KLF13: variants seen among roughly 807,000 people sequenced by gnomAD.
KLF13 encodes the protein KLF transcription factor 13.
A neutral mutation model predicts 16.7 loss-of-function variants in KLF13; 8 were observed. The observed-to-expected ratio is 0.48, with a 90% CI of 0.28 to 0.87. KLF13 has a LOEUF of 0.87. Among genes scored for constraint, KLF13 ranks in the 40% least tolerant of loss-of-function variants. The pLI is 0.10. For synonymous variants in KLF13, 245 were observed against 208.4 expected (o/e 1.18, Z -1.51); for missense variants, 447 against 452.2 (o/e 0.99, Z 0.10).
rs185457951 is a variant in KLF13 at position 31,414,260 on chromosome 15, A to T, written n.117+20569A>T. The stretch of plus-strand genomic sequence containing the variant: ...AATCCTAATGAAATTAAAATGCTAC[A>T]TTAGAAAATATTTACTTAATGCAGA... On this transcript the variant is annotated intron_variant and non_coding_transcript_variant, in intron 1 of 1. Coordinates refer to the KLF13 transcript ENST00000558225. 2.4e-4 allele frequency among the ~76,000 whole-genome samples: 37 copies of T among 152,322 alleles called. 1 individual carries two copies. In the East Asian group the frequency reaches 3.1e-3, roughly 13 times the overall value.
downstream of KLF13, among the ~76,000 whole-genome samples, chr15:31,408,867 C>T (rs902523629): frequency 5.9e-5 from 9 of 151,998 alleles, no homozygotes; most frequent in African/African-American, 1.9e-4. Context: ...AAATGAAAAA[C>T]ACAGTGAGAG....
chr15:31,334,965 T>C (rs1168681499), intron 1 of KLF13, among the ~76,000 whole-genome samples: 4 of 152,216 alleles, frequency 2.6e-5, no homozygotes, highest in Admixed American at 2.6e-4. Flanking sequence ...CTTGTTTTAC[T>C]CTTGGCATCA....
chr15:31,405,348 G>T (rs2040110658), downstream of KLF13, among the ~76,000 whole-genome samples: 1 of 152,188 alleles, frequency 6.6e-6, no homozygotes, highest in African/African-American at 2.4e-5. Context: ...AAAAGAGCTT[G>T]GAGAACCCCC....
In KLF13 at chr15:31,326,925, T is replaced by C. The variant is rs1478156956; in HGVS notation, c.-288T>C. ...CGACTTGGCGAGGTGGTCCCTAACG[T>C]TGCCGCTCGGCATCCTTAGAACCGG... On this transcript the variant is annotated 5_prime_UTR_variant, in exon 1 of 2. Transcript: ENST00000307145. The C allele has an allele frequency of 6.5e-6, 1 of 153,112 alleles. No homozygotes were observed. The highest frequency in any genetic ancestry group is 1.4e-5 in the Non-Finnish European group (1 of 69,278). The allele number at this position is 153,112 out of a possible 1,614,324, so 9.5% of individuals were successfully genotyped here.
Position 31,432,576 on chromosome 15 carries a change from G to C in KLF13, n.118-2794G>C, listed in dbSNP as rs567388812. Among the ~76,000 whole-genome samples, 31 of 151,710 alleles carry C rather than the reference G, an allele frequency of 2.0e-4. No individual in the cohort carries two copies. In the South Asian group the frequency reaches 6.0e-3, roughly 30 times the overall value. On this transcript the variant is annotated intron_variant and non_coding_transcript_variant, in intron 1 of 1. Transcript: ENST00000558225. Reference sequence around the variant, plus strand: ...ATATCCCCCTGCCTCAGCTTCCTGAGTAGCTGGGACTATAGGCATGCACCA... The same window carrying C: ...ATATCCCCCTGCCTCAGCTTCCTGACTAGCTGGGACTATAGGCATGCACCA...
At position 31,374,916 on chromosome 15, in the gene KLF13, T is replaced by C. The variant is rs2039619027; in HGVS notation, c.*2617T>C. On this transcript the variant is annotated 3_prime_UTR_variant, in exon 2 of 2. Transcript: ENST00000307145. The stretch of plus-strand genomic sequence containing the variant: ...CAAAGAGAGCACTTAATTTAATTTT[T>C]CCTTTAAATGACCCAGGGCTGTTCC... 6.6e-6 allele frequency: 1 copy of C among 152,496 alleles called. No homozygotes were observed. Among genetic ancestry groups the C allele is most frequent in the South Asian group, 2.1e-4 (1 of 4,820 alleles). 9.4% of individuals were successfully genotyped at this position (152,496 alleles called of 1,614,324 possible). A position where few individuals can be genotyped will look rare whatever the true frequency, so the allele number is the denominator to read the frequency against.
intron 1 of KLF13, among the ~76,000 whole-genome samples, chr15:31,434,204 G>A (rs2040503920): frequency 6.6e-6 from 1 of 152,166 alleles, no homozygotes; most frequent in Non-Finnish European, 1.5e-5. Flanking sequence ...TTCTACGGAT[G>A]GGGAAATGAG....
intron 1 of KLF13, among the ~76,000 whole-genome samples, chr15:31,423,369 C>G (rs145428783): frequency 1.3e-5 from 2 of 151,428 alleles, no homozygotes; most frequent in Admixed American, 6.6e-5. Context: ...CTGTGGCTCA[C>G]GTCTGTAATC....
intron 1 of KLF13, among the ~76,000 whole-genome samples, chr15:31,414,667 A>C (rs898621293): frequency 6.6e-6 from 1 of 152,224 alleles, no homozygotes; most frequent in African/African-American, 2.4e-5. Context: ...CCCATCAGGA[A>C]AATATACCAA....
Position 31,372,192 on chromosome 15 carries a change from C to T in KLF13, c.760C>T (p.Pro254Ser). Residue 254 changes from proline to serine, a missense_variant, in exon 2 of 2, where the codon CCG becomes TCG. Pro to Ser is a moderately conservative substitution (Grantham distance 74). This residue lies in a region of KLF13 where 88 missense variants were observed against 169.5 expected (regional missense o/e 0.52). Transcript: ENST00000307145. ...CGCGCGCCGCCACGCCAACTTCCAC[C>T]CGGGAATGCTGCAGCGGCGCGGCGG... ...KHARRHANFHPGMLQRRGGGS... is the reference protein window; with the variant it reads ...KHARRHANFHSGMLQRRGGGS... 1 of 1,610,898 alleles carries T rather than the reference C, an allele frequency of 6.2e-7. No homozygotes were observed. Among genetic ancestry groups the T allele is most frequent in the South Asian group, 1.1e-5 (1 of 91,038 alleles).
chr15:31,338,704 T>C (rs2038973180), intron 1 of KLF13, among the ~76,000 whole-genome samples: 1 of 152,092 alleles, frequency 6.6e-6, no homozygotes, highest in African/African-American at 2.4e-5. Context: ...CTGGTCTCTC[T>C]GCTCCTCCTC....
chr15:31,335,435 A>ATGTGTGTGTGTGTG (rs71110867), intron 1 of KLF13, among the ~76,000 whole-genome samples: 2 of 34,888 alleles, frequency 5.7e-5, no homozygotes, highest in African/African-American at 1.4e-4. Flanking sequence ...GTGTGTGTGT[A>ATGTGTGTGTGTGTG]TGTGTGTGTG....
At chr15:31,385,806 T>A (rs144491386) in intron 1 of KLF13, among the ~76,000 whole-genome samples, 2 of 152,130 alleles carry the variant, frequency 1.3e-5, no homozygotes, top group Non-Finnish European at 2.9e-5. Context: ...AGTGTTCAAG[T>A]GAAGGGAAGA....
In KLF13 at chr15:31,377,350, G is replaced by A. The variant is rs1338942235; in HGVS notation, c.*5051G>A. 6.6e-6 allele frequency: 1 copy of A among 152,624 alleles called. No individual in the cohort carries two copies. Among genetic ancestry groups the A allele is most frequent in the Non-Finnish European group, 1.5e-5 (1 of 68,038 alleles). 9.5% of individuals were successfully genotyped at this position (152,624 alleles called of 1,614,324 possible). A position where few individuals can be genotyped will look rare whatever the true frequency, so the allele number is the denominator to read the frequency against. ...CCTAGTGCTGAGGCCTCTGGGGCTG[G>A]AAAGCCTCAGCAGAAAGGAGGCACT... On this transcript the variant is annotated 3_prime_UTR_variant, in exon 2 of 2. Transcript: ENST00000307145.
chr15:31,371,481 A>G (rs1465965895), intron 1 of KLF13, among the ~76,000 whole-genome samples: 1 of 152,208 alleles, frequency 6.6e-6, no homozygotes, highest in East Asian at 1.9e-4. Flanking sequence ...AGGCCCCGGA[A>G]CTCACCTACG....
chr15:31,364,996 T>C (rs2039443774), intron 1 of KLF13, among the ~76,000 whole-genome samples: 1 of 152,226 alleles, frequency 6.6e-6, no homozygotes, highest in South Asian at 2.1e-4. Flanking sequence ...GATCAGCCCC[T>C]GTGTTTGGCC....
In KLF13 at chr15:31,377,403, G is replaced by A. The variant is rs530045486; in HGVS notation, c.*5104G>A. ...TGAGCAACTATGCATTGTCATTGTC[G>A]GGTTTGGGGCTTTCGGTGGTTCCTT... On this transcript the variant is annotated 3_prime_UTR_variant, in exon 2 of 2. Coordinates refer to ENST00000307145, the MANE Select transcript of KLF13 (RefSeq NM_015995.4). The A allele has an allele frequency of 1.0e-4, 16 of 152,768 alleles. No homozygotes were observed. In the South Asian group the frequency reaches 2.7e-3, roughly 26 times the overall value. The allele number at this position is 152,768 out of a possible 1,614,324, so 9.5% of individuals were successfully genotyped here.
chr15:31,380,327 T>C (rs75637297), downstream of KLF13, among the ~76,000 whole-genome samples: 2,384 of 152,170 alleles, frequency 0.016, 61 homozygotes, highest in African/African-American at 0.054. Flanking sequence ...GGACTTCCCA[T>C]TCCTTGGTGC....
Position 31,327,766 on chromosome 15 carries a change from A to C in KLF13, c.554A>C (p.Lys185Thr). 6.5e-7 allele frequency: 1 copy of C among 1,529,234 alleles called. No individual in the cohort carries two copies. The allele number at this position is 1,529,234 out of a possible 1,614,324, so 94.7% of individuals were successfully genotyped here. A position where few individuals can be genotyped will look rare whatever the true frequency, so the allele number is the denominator to read the frequency against. ...EKVYGKSSHL[K>T]AHLRTHTGER... Reference sequence around the variant, plus strand: ...GTTTACGGGAAATCTTCGCACCTCAAGGCGCACCTGAGAACTCACACAGGT... The same window carrying C: ...GTTTACGGGAAATCTTCGCACCTCACGGCGCACCTGAGAACTCACACAGGT... Residue 185 changes from lysine (K) to threonine (T), a missense_variant, in exon 1 of 2, where the codon AAG (lysine) becomes ACG (threonine). By Grantham distance (78) the Lys-to-Thr change is moderately conservative. Transcript: ENST00000307145.
Sources: allele counts gnomAD v4.1 joint callset (sites outside exome capture counted in the v4.1 genomes callset), GRCh38; gene constraint gnomAD v4.1.1; regional missense constraint gnomAD v4.1.1; transcripts MANE v1.5; gene names NCBI Gene and HGNC (gene_info 2026-07-23, HGNC 2026-07-21).